Variants in ENOX1 observed in about 807,000 individuals in gnomAD.
ENOX1 encodes candidate growth-related and time keeping constitutive hydroquinone (NADH) oxidase.
Under a neutral mutation model 82.5 loss-of-function variants are expected in ENOX1, and 42 were observed. The ratio of observed to expected loss-of-function variants is 0.51; its 90% CI spans 0.40 to 0.66. The LOEUF (loss-of-function observed/expected upper bound fraction) is 0.66. Ranked by LOEUF, ENOX1 falls within the 30% of genes least tolerant of loss-of-function variation. The pLI is 0.00. For synonymous variants in ENOX1, 271 were observed against 282.2 expected (o/e 0.96, Z 0.40); for missense variants, 608 against 811.6 (o/e 0.75, Z 3.05).
At chr13:43,355,848 G>T in intron 8 of ENOX1, 71 bp downstream of exon 8, 1 of 1,442,216 alleles carries the variant, frequency 6.9e-7, no homozygotes, top group Non-Finnish European at 9.6e-7. Flanking sequence ...GGTGGACGCA[G>T]GAGAAACGCA....
At position 43,236,707 on chromosome 13, in the gene ENOX1, T is replaced by C. The variant is rs1190502587; in HGVS notation, c.1643A>G (p.Asn548Ser). The C allele has an allele frequency of 2.5e-6, 4 of 1,587,770 alleles. No homozygotes were observed. The highest frequency in any genetic ancestry group is 1.4e-5 in the African/African-American group (1 of 73,176). Residue 548 changes from asparagine (N) to serine (S), a missense_variant, in exon 15 of 17, where the codon AAC (asparagine) becomes AGC (serine). Asn to Ser is a conservative substitution (Grantham distance 46). Coordinates refer to ENST00000690772, the MANE Select transcript of ENOX1 (RefSeq NM_001347969.2). ...CTCAATATTGTTCTCTCGGTCTTGG[T>C]TGACTAATGCAACTGTCAACACATT... is the stretch of plus-strand genomic sequence containing the variant. ...EINVLTVALV[N>S]QDRENNIEKR...
intron 1 of ENOX1, among the ~76,000 whole-genome samples, chr13:43,759,061 G>A (rs1950812030): frequency 2.0e-5 from 3 of 149,224 alleles, no homozygotes; most frequent in African/African-American, 7.3e-5. Flanking sequence ...AGAAAGTTAA[G>A]TAAGTGAAAA....
rs887843051 is a variant in ENOX1, at chr13:43,442,124, G to A, written c.-74-29136C>T. Among the ~76,000 whole-genome samples, 59 of 152,162 alleles carry A rather than the reference G, an allele frequency of 3.9e-4. 1 individual carries two copies. Among genetic ancestry groups the A allele is most frequent in the Admixed American group, 3.5e-3 (54 of 15,294 alleles). ...AAAACAAGCATAGAGGAGCCGAGTC[G>A]GACTGATTCCCCAGCTCTTCACAGC... On this transcript the variant is annotated intron_variant, in intron 3 of 16. Transcript: ENST00000690772.
At position 43,213,866 on chromosome 13, in the gene ENOX1, G is replaced by T; in HGVS notation, c.*124C>A. 9.6e-7 allele frequency: 1 copy of T among 1,046,228 alleles called. No individual in the cohort carries two copies. Among genetic ancestry groups the T allele is most frequent in the South Asian group, 1.9e-5 (1 of 53,978 alleles). 64.8% of individuals were successfully genotyped at this position (1,046,228 alleles called of 1,614,324 possible). ...AGAGAACGCCACAGATATAACTAAA[G>T]GCAGGCTTCGATGGCTCCACAAAGG... is the stretch of plus-strand genomic sequence containing the variant. On this transcript the variant is annotated 3_prime_UTR_variant, in exon 17 of 17. Transcript: ENST00000690772.
At chr13:43,661,869 A>G (rs1356910861) in intron 2 of ENOX1, among the ~76,000 whole-genome samples, 1 of 152,208 alleles carries the variant, frequency 6.6e-6, no homozygotes, top group Non-Finnish European at 1.5e-5. Context: ...CCGAGTATCT[A>G]CTATATGCAA....
intron 2 of ENOX1, among the ~76,000 whole-genome samples, chr13:43,538,089 G>C (rs528356358): frequency 6.6e-5 from 10 of 152,210 alleles, no homozygotes; most frequent in Non-Finnish European, 1.3e-4. Context: ...GCCTGTACCA[G>C]GGTTCAACCC....
intron 3 of ENOX1, among the ~76,000 whole-genome samples, chr13:43,423,651 GATCTAA>G (rs2055110613): frequency 6.6e-6 from 1 of 152,188 alleles, no homozygotes; most frequent in Admixed American, 6.5e-5. Flanking sequence ...AAGAACAGGA[GATCTAA>G]ATCTAAATTC....
intron 2 of ENOX1, among the ~76,000 whole-genome samples, chr13:43,654,672 T>C (rs1459953991): frequency 2.0e-5 from 3 of 152,208 alleles, no homozygotes; most frequent in Admixed American, 6.5e-5. Context: ...TTTAAAGAAT[T>C]TCCATAGTCA....
intron 11 of ENOX1, among the ~76,000 whole-genome samples, chr13:43,310,202 A>T (rs1593852029): frequency 2.6e-4 from 1 of 3,852 alleles, no homozygotes; most frequent in Admixed American, 7.2e-3. Context: ...CATCTCAAAA[A>T]AAAAAAAAAA....
intron 16 of ENOX1, among the ~76,000 whole-genome samples, chr13:43,216,878 C>T (rs141219927): frequency 0.017 from 2,638 of 152,258 alleles, 36 homozygotes; most frequent in Non-Finnish European, 0.026. Context: ...GGCAGTGCCA[C>T]CCAGCAGCCC....
At chr13:43,543,435 G>A (rs1051940870) in intron 2 of ENOX1, among the ~76,000 whole-genome samples, 2 of 151,990 alleles carry the variant, frequency 1.3e-5, no homozygotes, top group Admixed American at 1.3e-4. Context: ...GTGTTATTGT[G>A]TGGGTATATG....
intron 2 of ENOX1, among the ~76,000 whole-genome samples, chr13:43,567,154 ATAC>A (rs1349960558): frequency 6.6e-6 from 1 of 152,188 alleles, no homozygotes; most frequent in African/African-American, 2.4e-5. Flanking sequence ...GAAAATATAT[ATAC>A]AACTAAAACC....
intron 3 of ENOX1, among the ~76,000 whole-genome samples, chr13:43,454,836 A>ATATATAG (rs2057145818): frequency 7.7e-6 from 1 of 129,712 alleles, no homozygotes; most frequent in East Asian, 2.0e-4. Flanking sequence ...ACTTATATTG[A>ATATATAG]AACCATTTTT....
intron 2 of ENOX1, among the ~76,000 whole-genome samples, chr13:43,516,418 C>T (rs1222291826): frequency 6.6e-6 from 1 of 152,130 alleles, no homozygotes; most frequent in East Asian, 1.9e-4. Context: ...GAAGGTTTGC[C>T]TCAGTGCTAT....
rs913448558 is a variant in ENOX1 at position 43,577,036 on chromosome 13, A to G, written c.-219+90443T>C. On this transcript the variant is annotated intron_variant, in intron 2 of 16. Transcript: ENST00000690772. ...TGTGTAAGGCACTGAAGATACAAGT[A>G]TAATAAGAAGTGGTTGCCAGAGAAT... Among the ~76,000 whole-genome samples, 9 of 152,366 alleles carry G rather than the reference A, an allele frequency of 5.9e-5. 3 individuals carry two copies. Among genetic ancestry groups the G allele is most frequent in the Admixed American group, 5.9e-4 (9 of 15,308 alleles).
chr13:43,283,167 T>C (rs79489956), intron 12 of ENOX1, among the ~76,000 whole-genome samples: 3,474 of 152,256 alleles, frequency 0.023, 143 homozygotes, highest in African/African-American at 0.079. Flanking sequence ...TTTTTTCCTA[T>C]TGAAATTTGT....
chr13:43,758,648 T>C (rs934491153), intron 1 of ENOX1, among the ~76,000 whole-genome samples: 10 of 152,234 alleles, frequency 6.6e-5, no homozygotes, highest in African/African-American at 2.4e-4. Flanking sequence ...TTATTTCTTA[T>C]AGCTGTGTAG....
chr13:43,608,835 C>G (rs1267717889), intron 2 of ENOX1, among the ~76,000 whole-genome samples: 1 of 152,170 alleles, frequency 6.6e-6, no homozygotes, highest in Non-Finnish European at 1.5e-5. Flanking sequence ...AGCTGAAGAC[C>G]TTTCCTGTCG....
chr13:43,632,577 C>T (rs1211658833), intron 2 of ENOX1, among the ~76,000 whole-genome samples: 3 of 152,004 alleles, frequency 2.0e-5, no homozygotes, highest in East Asian at 1.9e-4. Context: ...TCCCAATTAG[C>T]TGGGATTACA....
Sources: allele counts gnomAD v4.1 joint callset (sites outside exome capture counted in the v4.1 genomes callset), GRCh38; gene constraint gnomAD v4.1.1; transcripts MANE v1.5; gene names NCBI Gene and HGNC (gene_info 2026-07-23, HGNC 2026-07-21).